TRAK1: variants seen among roughly 807,000 people sequenced by gnomAD.
TRAK1 encodes trafficking kinesin-binding protein 1.
In TRAK1, 33 loss-of-function variants were observed where a neutral mutation model predicts 92.1. The ratio of observed to expected loss-of-function variants is 0.36; its 90% CI spans 0.27 to 0.48. TRAK1 has a LOEUF of 0.48. TRAK1 is among the 20% of genes least tolerant of loss of function. The pLI is 0.99. For synonymous variants in TRAK1, 521 were observed against 517.3 expected (o/e 1.01, Z -0.10); for missense variants, 1,123 against 1,257.9 (o/e 0.89, Z 1.62).
chr3:42,122,272 A>C (rs999966739), intron 1 of TRAK1, among the ~76,000 whole-genome samples: 4 of 152,354 alleles, frequency 2.6e-5, no homozygotes, highest in African/African-American at 9.6e-5. Context: ...AGGACGGGTC[A>C]AGTCTCAACT....
At position 42,186,400 on chromosome 3, in the gene TRAK1, G is replaced by A. The variant is rs987695677; in HGVS notation, c.480+1599G>A. ...AGCTATTCCCAGTACATTGTTGTCT[G>A]GGTTTAACAGTAGTTTTAATATGAT... On this transcript the variant is annotated intron_variant, in intron 4 of 15. Coordinates refer to ENST00000327628, the MANE Select transcript of TRAK1 (RefSeq NM_001042646.3). Among the ~76,000 whole-genome samples, 3 of 152,186 alleles carry A rather than the reference G, an allele frequency of 2.0e-5. No homozygotes were observed. In the East Asian group the frequency reaches 5.8e-4, roughly 29 times the overall value.
chr3:42,176,673 C>T (rs1703257465), intron 2 of TRAK1, 141 bp from the exon 3 acceptor site: 1 of 729,628 alleles, frequency 1.4e-6, no homozygotes, highest in Non-Finnish European at 2.5e-6. Context: ...GTGGTGAGTA[C>T]ATTGCGGGTT....
chr3:42,167,925 T>G (rs1172444894), intron 2 of TRAK1, among the ~76,000 whole-genome samples: 3 of 152,112 alleles, frequency 2.0e-5, no homozygotes, highest in Non-Finnish European at 4.4e-5. Flanking sequence ...AATGTGTGTC[T>G]TAGGGCTTAG....
upstream of TRAK1, chr3:42,087,537 GCT>G: frequency 6.5e-6 from 1 of 152,688 alleles, no homozygotes; most frequent in East Asian, 1.9e-4. Context: ...AAGACTCTGA[GCT>G]TTCGGATTGT....
At chr3:42,186,126 A>G (rs1163655013) in intron 4 of TRAK1, among the ~76,000 whole-genome samples, 2 of 151,320 alleles carry the variant, frequency 1.3e-5, no homozygotes, top group Non-Finnish European at 2.9e-5. Flanking sequence ...GGGACTACAG[A>G]CATGTGCCAC....
At chr3:42,187,909 C>T in intron 4 of TRAK1, 136 bp from the exon 5 acceptor site, 1 of 725,282 alleles carries the variant, frequency 1.4e-6, no homozygotes, top group Non-Finnish European at 2.4e-6. Context: ...AGCACAAAAT[C>T]AGTTTAAATG....
At chr3:42,074,676 GTT>G (rs756876379) in intron 1 of TRAK1, among the ~76,000 whole-genome samples, 3 of 141,558 alleles carry the variant, frequency 2.1e-5, no homozygotes, top group Non-Finnish European at 3.1e-5. Context: ...TCTCAGACTA[GTT>G]TTTTTTTTTT....
At chr3:42,121,298 C>T (rs1464316246) in intron 1 of TRAK1, among the ~76,000 whole-genome samples, 2 of 138,774 alleles carry the variant, frequency 1.4e-5, no homozygotes, top group Non-Finnish European at 3.0e-5. Flanking sequence ...CTTGCTGTGT[C>T]CCCCAGGCTG....
At chr3:42,194,672 G>A (rs1312227795) in intron 9 of TRAK1, 132 bp from the exon 10 acceptor site, 33 of 1,040,552 alleles carry the variant, frequency 3.2e-5, no homozygotes, top group African/African-American at 4.8e-5. Context: ...GGCCACAGGC[G>A]CACAGGGCAG....
intron 4 of TRAK1, among the ~76,000 whole-genome samples, chr3:42,186,661 C>T (rs1445110768): frequency 1.3e-5 from 2 of 152,200 alleles, no homozygotes; most frequent in Non-Finnish European, 2.9e-5. Context: ...CAAATGGTCA[C>T]CCGTCAGCTT....
chr3:42,107,586 T>C (rs543863644), intron 1 of TRAK1, among the ~76,000 whole-genome samples: 1 of 151,950 alleles, frequency 6.6e-6, no homozygotes, highest in African/African-American at 2.4e-5. Flanking sequence ...ATTAGAACAG[T>C]AAAACCCAAG....
intron 4 of TRAK1, 31 bp downstream of exon 4, chr3:42,184,832 G>T: frequency 6.3e-7 from 1 of 1,597,592 alleles, no homozygotes; most frequent in South Asian, 1.1e-5. Flanking sequence ...GCTTCCAGAG[G>T]GGCCCGCCAC....
In TRAK1 at chr3:42,191,198, G is replaced by A. The variant is rs528232192; in HGVS notation, c.691-360G>A. Among the ~76,000 whole-genome samples the A allele has an allele frequency of 5.3e-5, 8 of 152,206 alleles. No homozygotes were observed. The South Asian group carries it at 8.3e-4, about 16-fold the overall frequency. The stretch of plus-strand genomic sequence containing the variant: ...GTGGGTAGTGTCCTAGGCACTGTGC[G>A]GGTCACAGAGCATCCATATTTATGA... On this transcript the variant is annotated intron_variant, in intron 6 of 15. Coordinates refer to ENST00000327628, the MANE Select transcript of TRAK1 (RefSeq NM_001042646.3).
chr3:42,019,182 T>A (rs1701642666), intron 1 of TRAK1, among the ~76,000 whole-genome samples: 1 of 152,208 alleles, frequency 6.6e-6, no homozygotes, highest in Non-Finnish European at 1.5e-5. Flanking sequence ...CTTTTTTTTG[T>A]CTCTCTCCAG....
intron 1 of TRAK1, among the ~76,000 whole-genome samples, chr3:42,105,589 C>T (rs1315552755): frequency 6.6e-6 from 1 of 152,322 alleles, no homozygotes; most frequent in Non-Finnish European, 1.5e-5. Context: ...AGTTGGGAAA[C>T]ACTCTTCAGG....
chr3:42,085,020 A>C (rs925806367), upstream of TRAK1, among the ~76,000 whole-genome samples: 2 of 152,006 alleles, frequency 1.3e-5, no homozygotes, highest in African/African-American at 4.8e-5. Context: ...GAGTATGTCT[A>C]ATGTGAAAAT....
intron 1 of TRAK1, among the ~76,000 whole-genome samples, chr3:42,081,925 G>T (rs1049578828): frequency 3.3e-5 from 5 of 152,082 alleles, no homozygotes; most frequent in African/African-American, 1.2e-4. Context: ...GAATTTACTG[G>T]GTGAAAGCTT....
At chr3:42,040,246 A>G (rs1225751457) in intron 1 of TRAK1, among the ~76,000 whole-genome samples, 1 of 152,144 alleles carries the variant, frequency 6.6e-6, no homozygotes, top group African/African-American at 2.4e-5. Context: ...TATCTAAGAA[A>G]TATCATTGCC....
At chr3:42,197,341 A>G (rs553018530) in intron 10 of TRAK1, among the ~76,000 whole-genome samples, 1 of 152,332 alleles carries the variant, frequency 6.6e-6, no homozygotes, top group African/African-American at 2.4e-5. Context: ...ATGCCCTTCC[A>G]CATACAAAAA....
Sources: gnomAD v4.1 joint callset for allele counts (sites outside exome capture counted in the v4.1 genomes callset) on GRCh38, gnomAD v4.1.1 for gene constraint, MANE v1.5 for transcripts, NCBI Gene and HGNC (gene_info 2026-07-23, HGNC 2026-07-21) for gene names.